The following CNTNAP2 variants were observed in gnomAD, a reference collection of about 807,000 sequenced individuals.
The protein encoded by CNTNAP2 is contactin-associated protein-like 2.
A neutral mutation model predicts 155.2 loss-of-function variants in CNTNAP2; 98 were observed. The observed-to-expected ratio is 0.63, with a 90% CI of 0.54 to 0.75. The LOEUF is 0.75. Among genes scored for constraint, CNTNAP2 ranks in the 30% least tolerant of loss-of-function variants. The pLI is 0.00. For missense variants in CNTNAP2, 1,727 were observed against 1,688.1 expected, an observed-to-expected ratio of 1.02 and a Z score of -0.40; for synonymous variants, 651 against 631.2, an observed-to-expected ratio of 1.03 and a Z score of -0.47.
At chr7:147,364,649 A>C (rs2116901971) in intron 9 of CNTNAP2, among the ~76,000 whole-genome samples, 1 of 152,310 alleles carries the variant, frequency 6.6e-6, no homozygotes, top group Middle Eastern at 3.4e-3. Flanking sequence ...GGAGATTGAG[A>C]CCATCCTGGC....
intron 1 of CNTNAP2, among the ~76,000 whole-genome samples, chr7:146,332,667 A>G (rs1801205929): frequency 6.6e-6 from 1 of 152,212 alleles, no homozygotes; most frequent in African/African-American, 2.4e-5. Flanking sequence ...ACAGGCTTCC[A>G]TTGTCTATAA....
At chr7:146,190,182 G>A (rs912197593) in intron 1 of CNTNAP2, among the ~76,000 whole-genome samples, 1 of 152,174 alleles carries the variant, frequency 6.6e-6, no homozygotes, top group Non-Finnish European at 1.5e-5. Flanking sequence ...TTAGGAGACT[G>A]AACATTCATT....
intron 1 of CNTNAP2, among the ~76,000 whole-genome samples, chr7:146,220,966 A>C (rs146663247): frequency 3.2e-4 from 48 of 152,316 alleles, no homozygotes; most frequent in Non-Finnish European, 1.0e-4. Flanking sequence ...CCAAAGTTTG[A>C]TTATACATTG....
chr7:147,473,464 T>C (rs10226825), intron 10 of CNTNAP2, among the ~76,000 whole-genome samples: 118,416 of 151,930 alleles, frequency 0.78, 46,519 homozygotes, highest in African/African-American at 0.87. Context: ...GTTTCCTCTG[T>C]TCTGGTTGTG....
At chr7:147,177,428 C>A (rs1227477243) in intron 8 of CNTNAP2, among the ~76,000 whole-genome samples, 1 of 152,046 alleles carries the variant, frequency 6.6e-6, no homozygotes, top group African/African-American at 2.4e-5. Flanking sequence ...AGGTGCCTTC[C>A]GCCGTGATTC....
intron 13 of CNTNAP2, among the ~76,000 whole-genome samples, chr7:147,710,311 G>A (rs576449822): frequency 3.3e-5 from 5 of 152,086 alleles, no homozygotes; most frequent in South Asian, 4.1e-4. Flanking sequence ...TCTTAGCTTA[G>A]CACATAAATC....
intron 8 of CNTNAP2, among the ~76,000 whole-genome samples, chr7:147,221,315 T>C (rs1803394732): frequency 6.6e-6 from 1 of 152,060 alleles, no homozygotes; most frequent in African/African-American, 2.4e-5. Context: ...TAAGAATAAG[T>C]AAACTAGAGC....
intron 2 of CNTNAP2, among the ~76,000 whole-genome samples, chr7:146,793,816 A>C (rs1802720451): frequency 1.3e-5 from 2 of 152,200 alleles, no homozygotes. Flanking sequence ...TGTTAGAGTT[A>C]ATGAAGAGTA....
At chr7:148,386,326 G>A (rs145436147) in intron 22 of CNTNAP2, among the ~76,000 whole-genome samples, 1,534 of 152,130 alleles carry the variant, frequency 0.01, 23 homozygotes, top group East Asian at 0.025. Context: ...TCAGGAGTTC[G>A]AGACCAGCCT....
intron 1 of CNTNAP2, among the ~76,000 whole-genome samples, chr7:146,575,056 A>AT (rs1465689172): frequency 5.9e-5 from 9 of 152,214 alleles, no homozygotes; most frequent in Non-Finnish European, 1.3e-4. Context: ...TACATTAAAA[A>AT]GTTAGAACCC....
intron 2 of CNTNAP2, among the ~76,000 whole-genome samples, chr7:146,815,240 G>A (rs1258478147): frequency 6.6e-6 from 1 of 152,020 alleles, no homozygotes; most frequent in Non-Finnish European, 1.5e-5. Flanking sequence ...CAATAATTCA[G>A]TAGAAGACAT....
intron 15 of CNTNAP2, among the ~76,000 whole-genome samples, chr7:148,054,791 G>A (rs535095616): frequency 2.6e-5 from 4 of 151,886 alleles, no homozygotes; most frequent in South Asian, 4.2e-4. Flanking sequence ...CAAGTAATGC[G>A]TGGTTTTGAG....
chr7:146,440,436 CAA>C (rs1796305058), intron 1 of CNTNAP2, among the ~76,000 whole-genome samples: 1 of 151,340 alleles, frequency 6.6e-6, no homozygotes. Flanking sequence ...ACTTAAAATC[CAA>C]AGAGTGTAAT....
At chr7:146,304,810 G>C (rs1800679227) in intron 1 of CNTNAP2, among the ~76,000 whole-genome samples, 1 of 152,048 alleles carries the variant, frequency 6.6e-6, no homozygotes, top group Admixed American at 6.5e-5. Context: ...AAATTTGAAT[G>C]TTGGCCTGCC....
intron 15 of CNTNAP2, among the ~76,000 whole-genome samples, chr7:148,019,749 G>T (rs1404827892): frequency 6.6e-6 from 1 of 151,384 alleles, no homozygotes; most frequent in African/African-American, 2.4e-5. Flanking sequence ...GAGCCATCGT[G>T]CCCATTCTCA....
rs3050025 is a variant in CNTNAP2 at position 146,254,129 on chromosome 7, G to GCACACA, written c.97+137185_97+137190dup. 9.9e-3 allele frequency among the ~76,000 whole-genome samples: 1,435 copies of GCACACA among 144,950 alleles called. 26 individuals are homozygous for GCACACA. Among genetic ancestry groups the GCACACA allele is most frequent in the African/African-American group, 0.036 (1,367 of 38,428 alleles). ...ATGTTCAGTGTATTCATTGCTACTT[G>GCACACA]CACACACACACACACACACACACAC... On this transcript the variant is annotated intron_variant, in intron 1 of 23. Coordinates refer to ENST00000361727, the MANE Select transcript of CNTNAP2 (RefSeq NM_014141.6).
chr7:147,912,984 G>A (rs141974521), intron 14 of CNTNAP2, among the ~76,000 whole-genome samples: 1 of 152,282 alleles, frequency 6.6e-6, no homozygotes, highest in Non-Finnish European at 1.5e-5. Flanking sequence ...CAGTCTTCAG[G>A]GACGCCTCCT....
At chr7:147,155,262 C>T (rs965837212) in intron 8 of CNTNAP2, among the ~76,000 whole-genome samples, 9 of 152,134 alleles carry the variant, frequency 5.9e-5, no homozygotes, top group African/African-American at 1.4e-4. Context: ...CAGGCATCAA[C>T]GAGGAAGTGG....
intron 21 of CNTNAP2, among the ~76,000 whole-genome samples, chr7:148,376,752 C>T (rs13233768): frequency 0.26 from 17,588 of 67,242 alleles, 7,984 homozygotes; most frequent in East Asian, 0.9. Flanking sequence ...TAAAATGTCA[C>T]AGTACCTAAT....
Sources: allele counts gnomAD v4.1 joint callset (sites outside exome capture counted in the v4.1 genomes callset), GRCh38; gene constraint gnomAD v4.1.1; transcripts MANE v1.5; gene names NCBI Gene and HGNC (gene_info 2026-07-23, HGNC 2026-07-21).